The following DIP2C variants were observed in gnomAD, a reference collection of about 807,000 sequenced individuals.
DIP2C encodes the protein DIP2 acetate--CoA ligase C (putative), also known as disco-interacting protein 2 homolog C.
In DIP2C, 33 loss-of-function variants were observed where a neutral mutation model predicts 192.4. The ratio of observed to expected loss-of-function variants is 0.17; its 90% confidence interval spans 0.13 to 0.23. The LOEUF is 0.23. DIP2C is among the 10% of genes least tolerant of loss of function. The pLI is 1.00. For missense variants in DIP2C, 1,537 were observed against 2,110.1 expected (o/e 0.73, Z 5.32); for synonymous variants, 979 against 864.1 (o/e 1.13, Z -2.33).
At chr10:639,906 G>A (rs1247385947) in intron 1 of DIP2C, among the ~76,000 whole-genome samples, 2 of 152,000 alleles carry the variant, frequency 1.3e-5, no homozygotes, top group East Asian at 1.9e-4. Flanking sequence ...TCCCTCCCCC[G>A]CCCGGCCTGT....
chr10:367,352 G>C (rs1295178663), intron 18 of DIP2C, among the ~76,000 whole-genome samples: 267 of 151,160 alleles, frequency 1.8e-3, no homozygotes, highest in Admixed American at 3.0e-3. Flanking sequence ...GGGAGGCAGA[G>C]CCTGCGGTGA....
At chr10:465,078 C>T (rs1970098806) in intron 3 of DIP2C, among the ~76,000 whole-genome samples, 1 of 136,272 alleles carries the variant, frequency 7.3e-6, no homozygotes, top group Admixed American at 7.7e-5. Flanking sequence ...GGCAGAGACA[C>T]AACCAAAAAA....
chr10:465,475 C>A (rs1970126283), intron 3 of DIP2C, among the ~76,000 whole-genome samples: 1 of 151,924 alleles, frequency 6.6e-6, no homozygotes, highest in Admixed American at 6.6e-5. Context: ...TGAAAACTGG[C>A]ACGACACAGG....
intron 1 of DIP2C, among the ~76,000 whole-genome samples, chr10:599,238 A>C (rs1851905615): frequency 6.6e-6 from 1 of 152,190 alleles, no homozygotes; most frequent in Non-Finnish European, 1.5e-5. Context: ...GGTTAGAATG[A>C]ATCCACCACA....
chr10:372,533 C>T (rs1053243698), intron 17 of DIP2C, among the ~76,000 whole-genome samples: 2 of 152,168 alleles, frequency 1.3e-5, no homozygotes. Context: ...TTCATATTAG[C>T]CACGTTAACC....
intron 1 of DIP2C, among the ~76,000 whole-genome samples, chr10:646,983 G>A (rs1177589108): frequency 2.0e-5 from 3 of 152,256 alleles, no homozygotes; most frequent in Non-Finnish European, 2.9e-5. Flanking sequence ...AAAGTGAAAT[G>A]AGCCATGGTG....
chr10:440,980 A>G lies in DIP2C; in HGVS notation c.285T>C (p.Ala95=), dbSNP rs1967678831. 1 of 1,613,368 alleles carries G rather than the reference A, an allele frequency of 6.2e-7. No individual in the cohort carries two copies. The highest frequency in any genetic ancestry group is 8.5e-7 in the Non-Finnish European group (1 of 1,179,950). Residue 95 remains alanine, a synonymous_variant, in exon 4 of 37, where the codon GCT becomes GCC. Transcript: ENST00000280886. The part of the protein sequence containing the change: ...ERYRSDVHTE[A]VQAALAKHKE... Reference sequence around the variant, plus strand: ...TGTGTTTGGCCAGAGCCGCCTGGACAGCTTCCGTGTGGACGTCTGAAACGG... The same window carrying G: ...TGTGTTTGGCCAGAGCCGCCTGGACGGCTTCCGTGTGGACGTCTGAAACGG...
chr10:434,615 T>C (rs1967028110), intron 4 of DIP2C, among the ~76,000 whole-genome samples: 1 of 152,244 alleles, frequency 6.6e-6, no homozygotes, highest in East Asian at 1.9e-4. Flanking sequence ...TACTGACCTC[T>C]ACTATTTTCT....
At position 651,865 on chromosome 10, in the gene DIP2C, T is replaced by G; in HGVS notation, c.85+37629A>C. ...TGGGGAAACTACAAAAGAAACCACC[T>G]GCTACTGCAAACGGCCTCGCTGTAC... is the stretch of plus-strand genomic sequence containing the variant. On this transcript the variant is annotated intron_variant, in intron 1 of 36. Coordinates refer to ENST00000280886, the MANE Select transcript of DIP2C (RefSeq NM_014974.3). The surrounding 1 kb of genome is among the most constrained non-coding windows in gnomAD (Gnocchi z 4.1). The G allele has an allele frequency of 5.0e-6, 1 of 200,858 alleles. No homozygotes were observed. Among genetic ancestry groups the G allele is most frequent in the Non-Finnish European group, 1.0e-5 (1 of 98,300 alleles). 12.4% of individuals were successfully genotyped at this position (200,858 alleles called of 1,614,324 possible).
chr10:607,909 T>C (rs1254518648), intron 1 of DIP2C, among the ~76,000 whole-genome samples: 8 of 151,942 alleles, frequency 5.3e-5, no homozygotes, highest in Admixed American at 2.0e-4. Context: ...CGTACGACTC[T>C]GTAATAACCC....
At chr10:513,008 A>C (rs995702467) in intron 1 of DIP2C, among the ~76,000 whole-genome samples, 1 of 151,800 alleles carries the variant, frequency 6.6e-6, no homozygotes, top group Non-Finnish European at 1.5e-5. Flanking sequence ...CATCTCACGC[A>C]CACATCTGCA....
chr10:361,389 G>A (rs1959484180), intron 22 of DIP2C, among the ~76,000 whole-genome samples: 1 of 152,144 alleles, frequency 6.6e-6, no homozygotes, highest in Non-Finnish European at 1.5e-5. Flanking sequence ...TGAGGCTGCT[G>A]GCTGCTCTCT....
chr10:431,278 G>T (rs1043566765), intron 4 of DIP2C, among the ~76,000 whole-genome samples: 3 of 152,170 alleles, frequency 2.0e-5, no homozygotes, highest in Non-Finnish European at 2.9e-5. Context: ...GACTGCATTG[G>T]AAGGAAAACA....
At position 491,985 on chromosome 10, in the gene DIP2C, G is replaced by A. The variant is rs74858244; in HGVS notation, c.86-5455C>T. ...GGGCTAGGAGGAATCTCAAAATCCC[G>A]ACCCCAGAAAACAGGGGCAAGAGGA... On this transcript the variant is annotated intron_variant, in intron 1 of 36. Coordinates refer to ENST00000280886, the MANE Select transcript of DIP2C (RefSeq NM_014974.3). Among the ~76,000 whole-genome samples, 151 of 151,950 alleles carry A rather than the reference G, an allele frequency of 9.9e-4. 1 individual carries two copies. The highest frequency in any genetic ancestry group is 3.5e-3 in the African/African-American group (145 of 41,396).
At position 382,657 on chromosome 10, in the gene DIP2C, C is replaced by T. The variant is rs1962484526; in HGVS notation, c.1981G>A (p.Ala661Thr). The T allele has an allele frequency of 1.2e-6, 2 of 1,613,416 alleles. No homozygotes were observed. The highest frequency in any genetic ancestry group is 3.3e-5 in the Admixed American group (2 of 59,952). Reference sequence around the variant, plus strand: ...AACATGACCCAGTACCTCCGGATGGCCACAGTGAGGGCCTCTGGCGAGCTG... The same window carrying T: ...AACATGACCCAGTACCTCCGGATGGTCACAGTGAGGGCCTCTGGCGAGCTG... ...CASSPEALTV[A>T]IRRPTDDSNQ... Residue 661 changes from alanine (A) to threonine (T), a missense_variant, in exon 17 of 37, where the codon GCC becomes ACC. Physicochemically the swap from Ala to Thr is moderately conservative, Grantham distance 58 (BLOSUM62 0). This residue lies in a region of DIP2C where 677 missense variants were observed against 989.9 expected (regional missense o/e 0.68). Transcript: ENST00000280886.
intron 1 of DIP2C, among the ~76,000 whole-genome samples, chr10:541,493 A>T (rs1307307898): frequency 1.0e-5 from 1 of 96,240 alleles, no homozygotes; most frequent in Non-Finnish European, 2.0e-5. Flanking sequence ...TCTCTCCTGG[A>T]TCCCACAGCA....
chr10:324,831 G>C, intron 31 of DIP2C: 2 of 465,126 alleles, frequency 4.3e-6, no homozygotes, highest in South Asian at 3.2e-5. Context: ...CAGAAGCCTT[G>C]TGGAAAACAC....
chr10:512,501 G>A (rs967469180), intron 1 of DIP2C, among the ~76,000 whole-genome samples: 2 of 151,850 alleles, frequency 1.3e-5, no homozygotes, highest in Non-Finnish European at 2.9e-5. Flanking sequence ...CCTGAGAGGT[G>A]ATCACCCAGG....
intron 7 of DIP2C, among the ~76,000 whole-genome samples, chr10:414,722 T>TGG (rs1965436557): frequency 1.3e-5 from 1 of 76,540 alleles, no homozygotes; most frequent in Admixed American, 1.5e-4. Flanking sequence ...TGTGTGTGTG[T>TGG]GTGTGTGTGT....
Sources: allele counts gnomAD v4.1 joint callset (sites outside exome capture counted in the v4.1 genomes callset), GRCh38; gene constraint gnomAD v4.1.1; regional missense constraint gnomAD v4.1.1; non-coding constraint Gnocchi (gnomAD v3.1); transcripts MANE v1.5; gene names NCBI Gene and HGNC (gene_info 2026-07-23, HGNC 2026-07-21).